The following ARHGAP20 variants were observed in gnomAD, a reference collection of about 807,000 sequenced individuals.
ARHGAP20 encodes rho GTPase-activating protein 20.
ARHGAP20 carries 34 observed loss-of-function variants against 73.7 expected under a neutral mutation model. The ratio of observed to expected loss-of-function variants is 0.46; its 90% confidence interval spans 0.35 to 0.61. ARHGAP20 has a LOEUF of 0.61. ARHGAP20 is among the 20% of genes least tolerant of loss of function. The pLI, the probability that ARHGAP20 is intolerant of heterozygous loss-of-function variation, is 0.00. For synonymous variants in ARHGAP20, 523 were observed against 518.2 expected, an observed-to-expected ratio of 1.01 and a Z score of -0.13; for missense variants, 1,314 against 1,420.9, an observed-to-expected ratio of 0.92 and a Z score of 1.21.
At chr11:110,709,765 C>A (rs1384222345) in intron 1 of ARHGAP20, among the ~76,000 whole-genome samples, 1 of 151,866 alleles carries the variant, frequency 6.6e-6, no homozygotes, top group African/African-American at 2.4e-5. Context: ...GTAGACAGGG[C>A]CAAGAAAAAG....
rs1371158882 is a variant in ARHGAP20 at position 110,592,123 on chromosome 11, A to T, written c.997T>A (p.Ser333Thr). ...CGCCAGAAGGCCCAGTTTATGATAG[A>T]TCTTCTCCTTTTAAATGTCTTATGA... ...SGHKTFKRRRSIINWAFWRGS... is the reference protein window; with the variant it reads ...SGHKTFKRRRTIINWAFWRGS... Residue 333 changes from serine to threonine, a missense_variant, in exon 10 of 15, where the codon TCT becomes ACT. Ser to Thr is a moderately conservative substitution (Grantham distance 58). This residue lies in a region of ARHGAP20 where 443 missense variants were observed against 466.4 expected (regional missense o/e 0.95). Transcript: ENST00000683387. 1 of 1,613,946 alleles carries T rather than the reference A, an allele frequency of 6.2e-7. No homozygotes were observed. The highest frequency in any genetic ancestry group is 2.2e-5 in the East Asian group (1 of 44,900).
intron 2 of ARHGAP20, among the ~76,000 whole-genome samples, chr11:110,683,038 G>A (rs977542176): frequency 6.6e-6 from 1 of 152,002 alleles, no homozygotes; most frequent in East Asian, 1.9e-4. Context: ...CAGCCCAAAC[G>A]CAATAAATTA....
chr11:110,712,462 C>T, upstream of ARHGAP20: 1 of 178,244 alleles, frequency 5.6e-6, no homozygotes, highest in Non-Finnish European at 1.2e-5. Context: ...GTCAGCGCCG[C>T]GGCCCGCCCC....
At chr11:110,687,914 T>C (rs959194341) in intron 2 of ARHGAP20, among the ~76,000 whole-genome samples, 1 of 152,032 alleles carries the variant, frequency 6.6e-6, no homozygotes, top group African/African-American at 2.4e-5. Flanking sequence ...CACAGAAAAA[T>C]GAAGCCCAGT....
chr11:110,653,304 A>C (rs1370663445), intron 2 of ARHGAP20, among the ~76,000 whole-genome samples: 1 of 152,210 alleles, frequency 6.6e-6, no homozygotes, highest in African/African-American at 2.4e-5. Context: ...AACGGGAGAA[A>C]ATTTTTGCAA....
intron 1 of ARHGAP20, among the ~76,000 whole-genome samples, chr11:110,707,554 T>A (rs563582955): frequency 6.6e-6 from 1 of 152,250 alleles, no homozygotes; most frequent in South Asian, 2.1e-4. Flanking sequence ...TAAAAGTGAG[T>A]GATCTAGCTA....
Position 110,577,626 on chromosome 11 carries a change from C to CACTT in ARHGAP20, c.*1740_*1743dup, listed in dbSNP as rs928194890. On this transcript the variant is annotated 3_prime_UTR_variant, in exon 15 of 15. Transcript: ENST00000683387. ...TTATACCAAAAAAGATGCATATGGA[C>CACTT]ACTTAGAAGTCTTAATATGTAGGAC... The CACTT allele has an allele frequency of 7.1e-6, 7 of 985,916 alleles. No homozygotes were observed. The African/African-American group carries it at 1.2e-4, about 17-fold the overall frequency. 61.1% of individuals were successfully genotyped at this position (985,916 alleles called of 1,614,324 possible).
intron 1 of ARHGAP20, among the ~76,000 whole-genome samples, chr11:110,708,685 C>T (rs1033361635): frequency 6.6e-6 from 1 of 151,948 alleles, no homozygotes; most frequent in Non-Finnish European, 1.5e-5. Context: ...TGTGAATTAA[C>T]CTACAGTGAG....
chr11:110,663,448 T>A (rs1192140746), intron 2 of ARHGAP20, among the ~76,000 whole-genome samples: 1 of 151,354 alleles, frequency 6.6e-6, no homozygotes, highest in Non-Finnish European at 1.5e-5. Flanking sequence ...GTTAAAAGGA[T>A]AAGGGAATAT....
intron 4 of ARHGAP20, among the ~76,000 whole-genome samples, chr11:110,621,278 A>G (rs1487624198): frequency 6.6e-6 from 1 of 152,090 alleles, no homozygotes; most frequent in Non-Finnish European, 1.5e-5. Context: ...CACACTGTCT[A>G]GGGTTCAGTG....
intron 2 of ARHGAP20, among the ~76,000 whole-genome samples, chr11:110,678,626 T>C (rs551381528): frequency 4.6e-5 from 7 of 152,260 alleles, no homozygotes; most frequent in African/African-American, 1.4e-4. Context: ...CCCCCAAACA[T>C]AGCATCTTAA....
Position 110,578,699 on chromosome 11 carries a change from C to T in ARHGAP20, c.*671G>A, listed in dbSNP as rs1947350746. 2.0e-6 allele frequency: 2 copies of T among 985,270 alleles called. No homozygotes were observed. The highest frequency in any genetic ancestry group is 3.5e-5 in the African/African-American group (2 of 57,222). The allele number at this position is 985,270 out of a possible 1,614,324, so 61.0% of individuals were successfully genotyped here. ...AAGCACTTCAACATGAATGAAAAAACAAACCGACAAATACAACCAACAAAA... is the reference window on the plus strand; with the variant it reads ...AAGCACTTCAACATGAATGAAAAAATAAACCGACAAATACAACCAACAAAA... On this transcript the variant is annotated 3_prime_UTR_variant, in exon 15 of 15. Coordinates refer to ENST00000683387, the MANE Select transcript of ARHGAP20 (RefSeq NM_001384657.1).
At chr11:110,615,676 G>T (rs995282671) in intron 4 of ARHGAP20, 82 bp from the exon 5 acceptor site, 16 of 1,279,766 alleles carry the variant, frequency 1.3e-5, no homozygotes, top group African/African-American at 1.2e-4. Context: ...CAATCCAGAT[G>T]AAAATATCAA....
At chr11:110,588,515 A>C (rs1306118672) in intron 11 of ARHGAP20, among the ~76,000 whole-genome samples, 2 of 152,246 alleles carry the variant, frequency 1.3e-5, no homozygotes, top group Non-Finnish European at 2.9e-5. Context: ...TTTGCTAAAA[A>C]TTATCTCCCT....
intron 2 of ARHGAP20, among the ~76,000 whole-genome samples, chr11:110,638,799 A>G (rs966955156): frequency 1.3e-5 from 2 of 151,818 alleles, no homozygotes; most frequent in African/African-American, 4.8e-5. Flanking sequence ...GAACTGAACA[A>G]TGAGAACACA....
At chr11:110,642,408 G>C (rs1437151857) in intron 2 of ARHGAP20, among the ~76,000 whole-genome samples, 1 of 152,204 alleles carries the variant, frequency 6.6e-6, no homozygotes, top group East Asian at 1.9e-4. Flanking sequence ...CATTCAGTAT[G>C]ATGTTGGCTG....
chr11:110,644,997 T>TTCTCTCTC (rs71476091), intron 2 of ARHGAP20, among the ~76,000 whole-genome samples: 3,603 of 150,432 alleles, frequency 0.024, 64 homozygotes, highest in Non-Finnish European at 0.032. Flanking sequence ...GAACAGACAC[T>TTCTCTCTC]TCTCTCTCTC....
chr11:110,695,269 T>C (rs1264367947), intron 1 of ARHGAP20, among the ~76,000 whole-genome samples: 1 of 151,550 alleles, frequency 6.6e-6, no homozygotes, highest in African/African-American at 2.4e-5. Flanking sequence ...TTTGTCATCT[T>C]GGATGAGGCA....
intron 2 of ARHGAP20, among the ~76,000 whole-genome samples, chr11:110,677,422 G>A (rs1205885343): frequency 6.6e-6 from 1 of 152,180 alleles, no homozygotes; most frequent in Non-Finnish European, 1.5e-5. Flanking sequence ...GAGAGGCCAA[G>A]GTGGGCAAAT....
Sources: allele counts gnomAD v4.1 joint callset (sites outside exome capture counted in the v4.1 genomes callset), GRCh38; gene constraint gnomAD v4.1.1; regional missense constraint gnomAD v4.1.1; transcripts MANE v1.5; gene names NCBI Gene and HGNC (gene_info 2026-07-23, HGNC 2026-07-21).